Variants in ABCB4 observed in about 807,000 individuals in gnomAD.
The protein encoded by ABCB4 is ATP binding cassette subfamily B member 4.
In ABCB4, 76 loss-of-function variants were observed where a neutral mutation model predicts 145.7. That is an observed-to-expected ratio of 0.52 (90% CI 0.43 to 0.63). The LOEUF is 0.63. Ranked by LOEUF, ABCB4 falls within the 30% of genes least tolerant of loss-of-function variation. The pLI, the probability that ABCB4 is intolerant of heterozygous loss-of-function variation, is 0.00. For missense variants in ABCB4, 1,234 were observed against 1,553.1 expected, an observed-to-expected ratio of 0.79 and a Z score of 3.45; for synonymous variants, 517 against 566.8, an observed-to-expected ratio of 0.91 and a Z score of 1.25.
At chr7:87,380,733 A>G in the ABCB4 span, among the ~76,000 whole-genome samples, 1 of 152,194 alleles carries the variant, frequency 6.6e-6, no homozygotes, top group East Asian at 1.9e-4. Flanking sequence ...GCTCAAAGAG[A>G]CATCCTTCAC....
chr7:87,433,665 AATT>A (rs1562970429), intron 14 of ABCB4, among the ~76,000 whole-genome samples: 1 of 143,232 alleles, frequency 7.0e-6, no homozygotes, highest in Non-Finnish European at 1.6e-5. Flanking sequence ...TGACACAAAA[AATT>A]GTTGTTGTTT....
At chr7:87,467,722 G>A (rs1222669393) in intron 3 of ABCB4, among the ~76,000 whole-genome samples, 1 of 152,182 alleles carries the variant, frequency 6.6e-6, no homozygotes, top group Non-Finnish European at 1.5e-5. Context: ...AATCAAACTA[G>A]AACTCAGGAT....
At chr7:87,370,910 A>T in the ABCB4 span, among the ~76,000 whole-genome samples, 224 of 152,374 alleles carry the variant, frequency 1.5e-3, no homozygotes, top group South Asian at 7.5e-3. Context: ...CCAGTTTTCC[A>T]AAGTAGTTAT....
chr7:87,382,167 C>CAGT, the ABCB4 span: 1 of 1,608,694 alleles, frequency 6.2e-7, no homozygotes, highest in Admixed American at 1.7e-5. Context: ...AGCTAAAGCC[C>CAGT]AGTATCTCAG....
At chr7:87,397,312 C>G (rs574584845), downstream of ABCB4, among the ~76,000 whole-genome samples, 1 of 150,724 alleles carries the variant, frequency 6.6e-6, no homozygotes, top group Non-Finnish European at 1.5e-5. Context: ...GATCATGCCA[C>G]TGCACTCCAG....
At position 87,402,298 on chromosome 7, in the gene ABCB4, A is replaced by G. The variant is rs1301715039; in HGVS notation, c.3638T>C (p.Val1213Ala). 1 of 1,613,874 alleles carries G rather than the reference A, an allele frequency of 6.2e-7. No individual in the cohort carries two copies. The highest frequency in any genetic ancestry group is 8.5e-7 in the Non-Finnish European group (1 of 1,179,896). The change falls in exon 28 of 28, where the codon GTC (valine) becomes GCC (alanine). Residue 1213 changes from valine to alanine, a missense_variant. By Grantham distance (64) the Val-to-Ala change is moderately conservative. Transcript: ENST00000649586. ...TCTGGCTTTGTCCAGGGCTTCTTGG[A>G]CAACCTATTGATAAATCAGACAGAC... is the stretch of plus-strand genomic sequence containing the variant. ...SALDTESEKVVQEALDKAREG... is the reference protein window; with the variant it reads ...SALDTESEKVAQEALDKAREG...
rs1259853537 is a variant in ABCB4, at chr7:87,406,648, G to C, written c.3280-154C>G. On this transcript the variant is annotated intron_variant, in intron 25 of 27. Transcript: ENST00000649586. ...AGACTTATACCATTGAGGCCAGCAT[G>C]GCCAACATGATGATTTTTATGGTGA... is the stretch of plus-strand genomic sequence containing the variant. 5.1e-6 allele frequency: 4 copies of C among 787,900 alleles called. No homozygotes were observed. In the South Asian group the frequency reaches 6.7e-5, roughly 13 times the overall value. The allele number at this position is 787,900 out of a possible 1,614,324, so 48.8% of individuals were successfully genotyped here. A position where few individuals can be genotyped will look rare whatever the true frequency, so the allele number is the denominator to read the frequency against.
intron 10 of ABCB4, 87 bp downstream of exon 10, chr7:87,444,775 G>A: frequency 1.1e-6 from 1 of 949,714 alleles, no homozygotes; most frequent in Non-Finnish European, 1.6e-6. Context: ...ATTCAATGTA[G>A]TTGATTCAAA....
At chr7:87,410,308 TC>T (rs1808522640) in intron 23 of ABCB4, among the ~76,000 whole-genome samples, 1 of 152,144 alleles carries the variant, frequency 6.6e-6, no homozygotes, top group African/African-American at 2.4e-5. Context: ...GTTTTCACCT[TC>T]AAATTTCTAA....
chr7:87,442,786 T>C (rs1013457755), intron 12 of ABCB4, among the ~76,000 whole-genome samples: 2 of 152,150 alleles, frequency 1.3e-5, no homozygotes, highest in African/African-American at 4.8e-5. Flanking sequence ...AGCAAAACTT[T>C]TAAATGGCAA....
At chr7:87,411,818 TC>T in intron 23 of ABCB4, 74 bp downstream of exon 23, 2 of 1,447,030 alleles carry the variant, frequency 1.4e-6, no homozygotes, top group Non-Finnish European at 9.6e-7. Context: ...GTCATTTTTT[TC>T]CTACTCTAAA....
chr7:87,387,390 CT>C, the ABCB4 span, among the ~76,000 whole-genome samples: 15 of 151,180 alleles, frequency 9.9e-5, no homozygotes, highest in East Asian at 2.9e-3. Context: ...CCCATCTGTA[CT>C]TTTTTCTTTT....
intron 3 of ABCB4, among the ~76,000 whole-genome samples, chr7:87,467,180 G>A (rs1157365570): frequency 6.6e-6 from 1 of 152,066 alleles, no homozygotes; most frequent in Non-Finnish European, 1.5e-5. Context: ...ACACACATAG[G>A]CTCAAAAGAA....
intron 26 of ABCB4, 161 bp from the exon 27 acceptor site, chr7:87,403,442 T>G (rs1807950496): frequency 1.5e-6 from 1 of 656,854 alleles, no homozygotes; most frequent in Admixed American, 2.6e-5. Context: ...AACTAGTGAC[T>G]TTAATTCTCA....
chr7:87,380,700 G>T, the ABCB4 span, among the ~76,000 whole-genome samples: 2 of 152,152 alleles, frequency 1.3e-5, no homozygotes, highest in Non-Finnish European at 2.9e-5. Flanking sequence ...CTTTCCATTA[G>T]GAGATGGGTG....
At chr7:87,465,888 A>T (rs1812854844) in intron 3 of ABCB4, among the ~76,000 whole-genome samples, 1 of 152,316 alleles carries the variant, frequency 6.6e-6, no homozygotes, top group East Asian at 1.9e-4. Context: ...TCCACGCCAA[A>T]ACCCATCTGT....
At chr7:87,389,449 G>A in the ABCB4 span, among the ~76,000 whole-genome samples, 107,690 of 151,978 alleles carry the variant, frequency 0.71, 39,983 homozygotes, top group Middle Eastern at 0.83. Flanking sequence ...AGCCATAAAA[G>A]AGGATGAGTT....
chr7:87,375,684 A>T, the ABCB4 span: 2 of 1,613,562 alleles, frequency 1.2e-6, no homozygotes, highest in South Asian at 2.2e-5. Context: ...TGGACCTGGG[A>T]TTGCAGCATT....
intron 13 of ABCB4, 94 bp from the exon 14 acceptor site, chr7:87,439,931 G>T: frequency 6.6e-7 from 1 of 1,521,674 alleles, no homozygotes; most frequent in Non-Finnish European, 9.1e-7. Flanking sequence ...ATGGAGCTTT[G>T]TCTTAACTAT....
Sources: gnomAD v4.1 joint callset for allele counts (sites outside exome capture counted in the v4.1 genomes callset) on GRCh38, gnomAD v4.1.1 for gene constraint, MANE v1.5 for transcripts, NCBI Gene and HGNC (gene_info 2026-07-23, HGNC 2026-07-21) for gene names.